The following RANBP2 variants were observed in gnomAD, a reference collection of about 807,000 sequenced individuals.
RANBP2 encodes E3 SUMO-protein ligase RanBP2.
A neutral mutation model predicts 303.6 loss-of-function variants in RANBP2; 57 were observed. The observed-to-expected ratio is 0.19, with a 90% CI of 0.15 to 0.23. The LOEUF is 0.23. Among genes scored for constraint, RANBP2 ranks in the 10% least tolerant of loss-of-function variants. The probability of loss-of-function intolerance (pLI) is 1.00; values close to 1 mark genes in which losing one functional copy is unlikely to be tolerated. For missense variants in RANBP2, 3,138 were observed against 3,780.8 expected (o/e 0.83, Z 4.46); for synonymous variants, 1,167 against 1,301.5 (o/e 0.90, Z 2.23).
At chr2:108,792,408 T>C in the RANBP2 span, among the ~76,000 whole-genome samples, 6 of 152,242 alleles carry the variant, frequency 3.9e-5, no homozygotes, top group Non-Finnish European at 8.8e-5. Context: ...ATGGTCGATT[T>C]TCCCAGTGGA....
At chr2:109,728,448 A>T in the RANBP2 span, among the ~76,000 whole-genome samples, 9 of 151,964 alleles carry the variant, frequency 5.9e-5, no homozygotes, top group African/African-American at 1.4e-4. Flanking sequence ...TTTTATTTTT[A>T]AAAAATTTAT....
At chr2:109,162,418 A>T in the RANBP2 span, among the ~76,000 whole-genome samples, 4 of 151,860 alleles carry the variant, frequency 2.6e-5, no homozygotes, top group Non-Finnish European at 1.5e-5. Context: ...TTTATTTTTA[A>T]TTTTTTTTAT....
the RANBP2 span, among the ~76,000 whole-genome samples, chr2:108,970,937 G>A: frequency 4.6e-5 from 7 of 152,154 alleles, no homozygotes; most frequent in Non-Finnish European, 8.8e-5. Flanking sequence ...AATAACTACC[G>A]TTCAGCAAAA....
At chr2:108,808,104 G>T in the RANBP2 span, among the ~76,000 whole-genome samples, 1 of 152,168 alleles carries the variant, frequency 6.6e-6, no homozygotes, top group Admixed American at 6.5e-5. Flanking sequence ...TAACATAAGT[G>T]TGTGGTAAGG....
chr2:108,922,558 C>T, the RANBP2 span, among the ~76,000 whole-genome samples: 1 of 152,152 alleles, frequency 6.6e-6, no homozygotes, highest in African/African-American at 2.4e-5. Context: ...CGTGATAAGA[C>T]GCAGGCTCTC....
At chr2:109,733,139 C>G in the RANBP2 span, 1 of 523,608 alleles carries the variant, frequency 1.9e-6, no homozygotes, top group African/African-American at 2.0e-5. Context: ...TCACAAGCCA[C>G]CTGATCCTTC....
chr2:109,657,714 G>T, the RANBP2 span, among the ~76,000 whole-genome samples: 140 of 82,226 alleles, frequency 1.7e-3, 6 homozygotes, highest in Admixed American at 6.2e-3. Context: ...AATTAGCTGA[G>T]TTTTTTTTTT....
the RANBP2 span, chr2:109,618,888 G>A: frequency 6.0e-6 from 1 of 167,028 alleles, no homozygotes; most frequent in African/African-American, 2.4e-5. Flanking sequence ...TGCAATCTTG[G>A]AGTCTAGGTT....
At chr2:109,300,900 G>T in the RANBP2 span, among the ~76,000 whole-genome samples, 1 of 152,184 alleles carries the variant, frequency 6.6e-6, no homozygotes, top group South Asian at 2.1e-4. Flanking sequence ...TGCTTTGGAG[G>T]CAGCTGGGCC....
chr2:108,985,712 G>A, the RANBP2 span, among the ~76,000 whole-genome samples: 1 of 152,158 alleles, frequency 6.6e-6, no homozygotes, highest in Non-Finnish European at 1.5e-5. Flanking sequence ...GAAATAACAG[G>A]TGTCTCTGCC....
At chr2:108,916,011 C>T in the RANBP2 span, among the ~76,000 whole-genome samples, 2 of 152,206 alleles carry the variant, frequency 1.3e-5, no homozygotes, top group Non-Finnish European at 2.9e-5. Flanking sequence ...CCTCACAGAC[C>T]TTACTGAAGT....
At chr2:109,213,190 C>G in the RANBP2 span, among the ~76,000 whole-genome samples, 2 of 152,184 alleles carry the variant, frequency 1.3e-5, no homozygotes, top group East Asian at 3.9e-4. Flanking sequence ...TTATTCTCTT[C>G]CTTGGCAAGA....
chr2:109,494,558 G>A, the RANBP2 span, among the ~76,000 whole-genome samples: 3 of 152,176 alleles, frequency 2.0e-5, no homozygotes, highest in Admixed American at 6.5e-5. Context: ...TTACTTCCAG[G>A]CTTACTTTGG....
the RANBP2 span, among the ~76,000 whole-genome samples, chr2:109,774,813 G>T: frequency 2.0e-5 from 1 of 50,576 alleles, no homozygotes; most frequent in South Asian, 9.1e-4. Flanking sequence ...CTTGCAATTA[G>T]TTGTATACTC....
chr2:109,587,980 T>C, the RANBP2 span, among the ~76,000 whole-genome samples: 2 of 151,332 alleles, frequency 1.3e-5, no homozygotes, highest in Non-Finnish European at 2.9e-5. Context: ...TAATCCCAGC[T>C]GCTCAGGAGG....
the RANBP2 span, among the ~76,000 whole-genome samples, chr2:109,458,600 G>GAA: frequency 2.1e-4 from 31 of 150,796 alleles, no homozygotes; most frequent in Admixed American, 5.3e-4. Flanking sequence ...GAGAGAGAGA[G>GAA]AATTTATTTA....
the RANBP2 span, among the ~76,000 whole-genome samples, chr2:109,612,038 T>C: frequency 6.6e-6 from 1 of 152,180 alleles, no homozygotes; most frequent in Non-Finnish European, 1.5e-5. Context: ...TACATGAATG[T>C]TTATAGCAGC....
At chr2:108,875,004 T>C in the RANBP2 span, among the ~76,000 whole-genome samples, 6 of 151,942 alleles carry the variant, frequency 3.9e-5, no homozygotes, top group African/African-American at 7.2e-5. Context: ...TGTTTGTAGC[T>C]TAGGTTCATT....
At chr2:109,088,208 C>T in the RANBP2 span, among the ~76,000 whole-genome samples, 24 of 151,966 alleles carry the variant, frequency 1.6e-4, no homozygotes, top group South Asian at 3.5e-3. Flanking sequence ...ACCATCCTGG[C>T]CAACATGGTG....
Sources: allele counts gnomAD v4.1 joint callset (sites outside exome capture counted in the v4.1 genomes callset), GRCh38; gene constraint gnomAD v4.1.1; transcripts MANE v1.5; gene names NCBI Gene and HGNC (gene_info 2026-07-23, HGNC 2026-07-21).